AIF1L: variants seen among roughly 807,000 people sequenced by gnomAD.
AIF1L encodes the protein allograft inflammatory factor 1-like.
AIF1L carries 12 observed loss-of-function variants against 20.7 expected under a neutral mutation model. The observed-to-expected ratio is 0.58, with a 90% CI of 0.37 to 0.94. The LOEUF is 0.94. Ranked by LOEUF, AIF1L falls within the 40% of genes least tolerant of loss-of-function variation. AIF1L has a pLI of 0.01. For synonymous variants in AIF1L, 76 were observed against 65.1 expected (o/e 1.17, Z -0.81); for missense variants, 173 against 185.3 (o/e 0.93, Z 0.39).
At chr9:131,111,568 T>C in intron 2 of AIF1L, 29 bp from the exon 3 acceptor site, 1 of 1,606,562 alleles carries the variant, frequency 6.2e-7, no homozygotes, top group Non-Finnish European at 8.5e-7. Flanking sequence ...CCCAGTCCCT[T>C]GCTCAGCACT....
At chr9:131,112,814 A>G (rs564317636) in intron 3 of AIF1L, among the ~76,000 whole-genome samples, 55 of 152,294 alleles carry the variant, frequency 3.6e-4, no homozygotes, top group African/African-American at 1.2e-3. Context: ...AAAAGAGAGC[A>G]GTCTATTCCC....
intron 2 of AIF1L, among the ~76,000 whole-genome samples, chr9:131,105,000 C>T (rs148279054): frequency 5.1e-4 from 78 of 151,734 alleles, no homozygotes; most frequent in African/African-American, 1.8e-3. Flanking sequence ...TTCTTCCAAA[C>T]ACCTGGGGTG....
intron 2 of AIF1L, among the ~76,000 whole-genome samples, chr9:131,100,763 C>T (rs751604081): frequency 1.3e-5 from 2 of 152,208 alleles, no homozygotes; most frequent in Admixed American, 6.5e-5. Flanking sequence ...CTCCAGCTTC[C>T]CACAGGGACA....
chr9:131,117,869 C>G lies in AIF1L; in HGVS notation c.316C>G (p.Arg106Gly). ...AGGGGTCAGTGACACTATATCCTAC[C>G]GAGACTTTGTGAACATGATGCTGGG... Reference protein sequence around the residue: ...TGGVSDTISYRDFVNMMLGKR... With the variant: ...TGGVSDTISYGDFVNMMLGKR... The change falls in exon 5 of 6, where the codon CGA becomes GGA. Residue 106 changes from arginine (R) to glycine (G), a missense_variant. Transcript: ENST00000247291. 6.2e-7 allele frequency: 1 copy of G among 1,613,698 alleles called. No homozygotes were observed. Among genetic ancestry groups the G allele is most frequent in the South Asian group, 1.1e-5 (1 of 91,002 alleles).
chr9:131,117,181 C>G (rs1015073004), intron 4 of AIF1L, among the ~76,000 whole-genome samples: 1 of 152,172 alleles, frequency 6.6e-6, no homozygotes, highest in Non-Finnish European at 1.5e-5. Flanking sequence ...TTTTGGCATC[C>G]TCTCCCTTCC....
In AIF1L at chr9:131,096,562, C is replaced by T. The variant is rs1399325489; in HGVS notation, c.-68C>T. Reference sequence around the variant, plus strand: ...AGCTAGCCGGAGCCCGGACCAGGCGCCTGTGCCTCCTCCTCGTCCCTCGCC... The same window carrying T: ...AGCTAGCCGGAGCCCGGACCAGGCGTCTGTGCCTCCTCCTCGTCCCTCGCC... On this transcript the variant is annotated 5_prime_UTR_variant, in exon 1 of 6. Coordinates refer to ENST00000247291, the MANE Select transcript of AIF1L (RefSeq NM_031426.4). 49 of 1,475,464 alleles carry T rather than the reference C, an allele frequency of 3.3e-5. No individual in the cohort carries two copies. Among genetic ancestry groups the T allele is most frequent in the Non-Finnish European group, 4.2e-5 (47 of 1,120,168 alleles). The allele number at this position is 1,475,464 out of a possible 1,614,324, so 91.4% of individuals were successfully genotyped here.
intron 3 of AIF1L, chr9:131,112,199 T>C (rs1830906060): frequency 6.4e-6 from 1 of 155,576 alleles, no homozygotes; most frequent in Admixed American, 6.2e-5. Context: ...GTCCCTCTGT[T>C]TGGGGCCCTG....
intron 2 of AIF1L, among the ~76,000 whole-genome samples, chr9:131,106,855 G>A (rs1207504898): frequency 1.3e-5 from 2 of 152,176 alleles, no homozygotes; most frequent in African/African-American, 4.8e-5. Context: ...CAGGAATTTG[G>A]GAGGCCGAGG....
In AIF1L at chr9:131,120,734, A is replaced by G. The variant is rs536744253; in HGVS notation, c.*412A>G. 3.1e-4 allele frequency: 95 copies of G among 309,626 alleles called. No individual in the cohort carries two copies. Among genetic ancestry groups the G allele is most frequent in the African/African-American group, 1.8e-3 (86 of 47,088 alleles). 19.2% of individuals were successfully genotyped at this position (309,626 alleles called of 1,614,324 possible). ...GACGAGGACCCCAGGCCACTCTGAG[A>G]AGACCTTGGAGTAGGGACAAGGCTG... On this transcript the variant is annotated 3_prime_UTR_variant, in exon 6 of 6. Coordinates refer to ENST00000247291, the MANE Select transcript of AIF1L (RefSeq NM_031426.4).
intron 2 of AIF1L, among the ~76,000 whole-genome samples, chr9:131,107,191 C>T (rs931134235): frequency 6.6e-6 from 1 of 152,218 alleles, no homozygotes; most frequent in Non-Finnish European, 1.5e-5. Context: ...GGACTCCAGG[C>T]AGGGTGCACA....
chr9:131,118,705 C>G (rs1831068812), intron 5 of AIF1L, among the ~76,000 whole-genome samples: 2 of 152,118 alleles, frequency 1.3e-5, no homozygotes, highest in South Asian at 2.1e-4. Context: ...CGCCACCACA[C>G]CCAACTAATT....
chr9:131,106,673 C>T (rs1035240040), intron 2 of AIF1L, among the ~76,000 whole-genome samples: 9 of 152,070 alleles, frequency 5.9e-5, no homozygotes, highest in African/African-American at 2.2e-4. Flanking sequence ...GTTCTAGCTG[C>T]TCTGGAGGGC....
At chr9:131,102,515 A>T (rs967720144) in intron 2 of AIF1L, among the ~76,000 whole-genome samples, 2 of 152,198 alleles carry the variant, frequency 1.3e-5, no homozygotes, top group African/African-American at 2.4e-5. Flanking sequence ...GCCTCTGAGG[A>T]TTCAGTGTCC....
chr9:131,120,489 G>A lies in AIF1L; in HGVS notation c.*167G>A, dbSNP rs1831112332. 2 of 585,812 alleles carry A rather than the reference G, an allele frequency of 3.4e-6. No homozygotes were observed. The highest frequency in any genetic ancestry group is 3.8e-5 in the African/African-American group (2 of 52,386). 36.3% of individuals were successfully genotyped at this position (585,812 alleles called of 1,614,324 possible). ...AAGCACAAATTATCTGCCTTAAAGG[G>A]GCTCTGGGTCGGGGAATCCTGAGCC... On this transcript the variant is annotated 3_prime_UTR_variant, in exon 6 of 6. Coordinates refer to ENST00000247291, the MANE Select transcript of AIF1L (RefSeq NM_031426.4).
chr9:131,121,012 C>T lies in AIF1L; in HGVS notation c.*690C>T. ...CAGGCAGCTGAGAGGCAGCGTGCAG[C>T]CCTACTGTCCCTTACTGGGGCAGCA... is the stretch of plus-strand genomic sequence containing the variant. On this transcript the variant is annotated 3_prime_UTR_variant, in exon 6 of 6. Transcript: ENST00000247291. 4.5e-6 allele frequency: 3 copies of T among 664,714 alleles called. No homozygotes were observed. Among genetic ancestry groups the T allele is most frequent in the East Asian group, 5.5e-5 (2 of 36,180 alleles). The allele number at this position is 664,714 out of a possible 1,614,324, so 41.2% of individuals were successfully genotyped here.
rs1480836517 is a variant in AIF1L, at chr9:131,114,467, G to A, written c.161-110G>A. The A allele has an allele frequency of 4.9e-6, 6 of 1,232,824 alleles. No individual in the cohort carries two copies. The African/African-American group carries it at 8.9e-5, about 18-fold the overall frequency. 76.4% of individuals were successfully genotyped at this position (1,232,824 alleles called of 1,614,324 possible). A position where few individuals can be genotyped will look rare whatever the true frequency, so the allele number is the denominator to read the frequency against. ...CAAGACCCTTGGTAGGGTGCGGGAG[G>A]TGGTTCAGACTCCTGAGGACACGGT... On this transcript the variant is annotated intron_variant, in intron 3 of 5. Coordinates refer to ENST00000247291, the MANE Select transcript of AIF1L (RefSeq NM_031426.4).
chr9:131,109,430 A>G (rs571932915), intron 2 of AIF1L, among the ~76,000 whole-genome samples: 6 of 151,876 alleles, frequency 4.0e-5, no homozygotes, highest in Non-Finnish European at 8.8e-5. Flanking sequence ...ATGGTGGCAC[A>G]CTCCTGTAGT....
chr9:131,122,589 T>G lies in AIF1L; in HGVS notation c.*2267T>G, dbSNP rs1014828106. On this transcript the variant is annotated 3_prime_UTR_variant, in exon 6 of 6. Transcript: ENST00000247291. ...AGCCTTCCTTCACTACCCATCATAT[T>G]CAGTGTCCCTGTTCCTCACTCAGAG... 1.3e-5 allele frequency: 2 copies of G among 152,152 alleles called. No homozygotes were observed. The highest frequency in any genetic ancestry group is 4.8e-5 in the African/African-American group (2 of 41,410). 9.4% of individuals were successfully genotyped at this position (152,152 alleles called of 1,614,324 possible).
chr9:131,106,718 G>A (rs761298207), intron 2 of AIF1L, among the ~76,000 whole-genome samples: 1 of 152,142 alleles, frequency 6.6e-6, no homozygotes, highest in Non-Finnish European at 1.5e-5. Flanking sequence ...CAGGCAGGTC[G>A]AGGCTGCAGT....
Sources: allele counts gnomAD v4.1 joint callset (sites outside exome capture counted in the v4.1 genomes callset), GRCh38; gene constraint gnomAD v4.1.1; transcripts MANE v1.5; gene names NCBI Gene and HGNC (gene_info 2026-07-23, HGNC 2026-07-21).